ARHGAP28: variants seen among roughly 807,000 people sequenced by gnomAD.
The protein encoded by ARHGAP28 is Rho GTPase activating protein 28.
ARHGAP28 carries 56 observed loss-of-function variants against 90.7 expected under a neutral mutation model. That is an observed-to-expected ratio of 0.62 (90% CI 0.50 to 0.77). The LOEUF is 0.77. Ranked by LOEUF, ARHGAP28 falls within the 30% of genes least tolerant of loss-of-function variation. The pLI, the probability that ARHGAP28 is intolerant of heterozygous loss-of-function variation, is 0.00. For missense variants in ARHGAP28, 869 were observed against 900.9 expected (o/e 0.96, Z 0.45); for synonymous variants, 308 against 323.3 (o/e 0.95, Z 0.51).
At chr18:6,834,036 C>G (rs1182292379) in intron 2 of ARHGAP28, among the ~76,000 whole-genome samples, 1 of 151,806 alleles carries the variant, frequency 6.6e-6, no homozygotes, top group Admixed American at 6.6e-5. Flanking sequence ...TAGAGCAGGG[C>G]AAGCAGTGGA....
chr18:6,798,112 G>C (rs2056455338), intron 1 of ARHGAP28, among the ~76,000 whole-genome samples: 1 of 152,198 alleles, frequency 6.6e-6, no homozygotes, highest in Non-Finnish European at 1.5e-5. Flanking sequence ...ATTAAATAGT[G>C]TGGAACAATT....
chr18:6,855,792 C>G (rs1249416116), intron 4 of ARHGAP28, among the ~76,000 whole-genome samples: 1 of 152,208 alleles, frequency 6.6e-6, no homozygotes, highest in South Asian at 2.1e-4. Flanking sequence ...ACCGCATTCC[C>G]TGGTGCCCAC....
intron 16 of ARHGAP28, chr18:6,898,571 A>G (rs954484070): frequency 1.2e-6 from 2 of 1,612,036 alleles, no homozygotes; most frequent in African/African-American, 2.7e-5. Context: ...ACATCTCCAC[A>G]TAGGCAGTCA....
chr18:6,858,339 AT>A (rs2056970462), intron 4 of ARHGAP28, among the ~76,000 whole-genome samples: 1 of 151,960 alleles, frequency 6.6e-6, no homozygotes, highest in African/African-American at 2.4e-5. Context: ...TTTATGTTAC[AT>A]TTAGGAAGAG....
rs1319580129 is a variant in ARHGAP28 at position 6,890,235 on chromosome 18, G to A, written c.1734+150G>A. ...TGTGACAGCCTTACACCTTCTGGAA[G>A]GGCTGCTCTTCAACACAGTTTCCCT... On this transcript the variant is annotated intron_variant, in intron 13 of 17. Coordinates refer to ENST00000383472, the MANE Select transcript of ARHGAP28 (RefSeq NM_001366230.1). 6 of 910,192 alleles carry A rather than the reference G, an allele frequency of 6.6e-6. No homozygotes were observed. In the East Asian group the frequency reaches 1.6e-4, roughly 24 times the overall value. 56.4% of individuals were successfully genotyped at this position (910,192 alleles called of 1,614,324 possible).
chr18:6,808,377 T>G (rs1221966291), intron 1 of ARHGAP28, among the ~76,000 whole-genome samples: 1 of 152,232 alleles, frequency 6.6e-6, no homozygotes, highest in African/African-American at 2.4e-5. Context: ...TTAACATTTT[T>G]TCTGCTAACT....
rs763734423 is a variant in ARHGAP28, at chr18:6,851,003, G to A, written c.544-31G>A. The A allele has an allele frequency of 9.9e-6, 16 of 1,611,636 alleles. 1 individual carries two copies. Among genetic ancestry groups the A allele is most frequent in the Admixed American group, 5.0e-5 (3 of 59,912 alleles). ...CAGTCATATTTGGAAAGATATGCCT[G>A]GATAAACGTGGCTTTCATTTCTTCC... On this transcript the variant is annotated intron_variant, in intron 3 of 17. Coordinates refer to ENST00000383472, the MANE Select transcript of ARHGAP28 (RefSeq NM_001366230.1).
intron 2 of ARHGAP28, among the ~76,000 whole-genome samples, chr18:6,834,149 G>A (rs2056735270): frequency 7.7e-6 from 1 of 130,460 alleles, no homozygotes; most frequent in African/African-American, 2.6e-5. Flanking sequence ...GAAGGTGTTG[G>A]TGTTAGAGTG....
chr18:6,784,444 T>C (rs902525239), intron 1 of ARHGAP28, among the ~76,000 whole-genome samples: 3 of 152,102 alleles, frequency 2.0e-5, no homozygotes, highest in Non-Finnish European at 2.9e-5. Context: ...GCCCACAACT[T>C]TTCTTGCTTC....
chr18:6,870,816 T>G (rs982358581), intron 7 of ARHGAP28, 84 bp downstream of exon 7: 8 of 1,420,152 alleles, frequency 5.6e-6, no homozygotes, highest in Admixed American at 2.3e-5. Flanking sequence ...TTTTTTTTTT[T>G]TGAGACGGAG....
At chr18:6,836,426 G>A (rs1158656472) in intron 2 of ARHGAP28, among the ~76,000 whole-genome samples, 3 of 152,124 alleles carry the variant, frequency 2.0e-5, no homozygotes, top group Non-Finnish European at 4.4e-5. Context: ...GGTGGGTTTA[G>A]AGCAAGCAGG....
intron 16 of ARHGAP28, among the ~76,000 whole-genome samples, chr18:6,900,177 A>C (rs2057330895): frequency 6.6e-6 from 1 of 152,202 alleles, no homozygotes; most frequent in Admixed American, 6.5e-5. Context: ...ACCTTATGCT[A>C]AACCTCATCA....
chr18:6,815,570 C>A (rs182593431), intron 1 of ARHGAP28, among the ~76,000 whole-genome samples: 59 of 152,236 alleles, frequency 3.9e-4, no homozygotes, highest in Non-Finnish European at 1.5e-5. Context: ...AATATTAGAA[C>A]ATAGATATTA....
chr18:6,811,468 A>G (rs1016078677), intron 1 of ARHGAP28, among the ~76,000 whole-genome samples: 13 of 152,180 alleles, frequency 8.5e-5, no homozygotes, highest in Non-Finnish European at 1.5e-5. Flanking sequence ...CACTTCTTTC[A>G]GTAAACATTT....
chr18:6,864,614 T>A (rs2057024225), intron 5 of ARHGAP28, among the ~76,000 whole-genome samples: 1 of 152,190 alleles, frequency 6.6e-6, no homozygotes, highest in African/African-American at 2.4e-5. Context: ...AATGTGTGCG[T>A]TATATCTTAA....
At chr18:6,747,898 T>A (rs2056036916) in intron 1 of ARHGAP28, among the ~76,000 whole-genome samples, 1 of 152,224 alleles carries the variant, frequency 6.6e-6, no homozygotes, top group South Asian at 2.1e-4. Flanking sequence ...CAGCTGGGTA[T>A]CCAGTGTTGT....
chr18:6,837,461 G>T, intron 3 of ARHGAP28, 47 bp downstream of exon 3: 1 of 1,237,546 alleles, frequency 8.1e-7, no homozygotes, highest in East Asian at 2.3e-5. Context: ...AGTTTGACTG[G>T]GGATGGGGTA....
intron 16 of ARHGAP28, among the ~76,000 whole-genome samples, chr18:6,905,737 A>G (rs2057361634): frequency 1.3e-5 from 2 of 152,174 alleles, no homozygotes; most frequent in African/African-American, 2.4e-5. Flanking sequence ...AATCAATCAC[A>G]TTGGAACATG....
intron 1 of ARHGAP28, among the ~76,000 whole-genome samples, chr18:6,744,550 C>T (rs1210685028): frequency 2.0e-5 from 3 of 152,152 alleles, no homozygotes; most frequent in Non-Finnish European, 4.4e-5. Context: ...ACACCTTTCT[C>T]CCCTCTCATT....
Sources: gnomAD v4.1 joint callset for allele counts (sites outside exome capture counted in the v4.1 genomes callset) on GRCh38, gnomAD v4.1.1 for gene constraint, MANE v1.5 for transcripts, NCBI Gene and HGNC (gene_info 2026-07-23, HGNC 2026-07-21) for gene names.